Variants in CLDN6 observed in about 807,000 individuals in gnomAD.
CLDN6 encodes claudin 6, also known as claudin-6.
For missense variants in CLDN6, 279 were observed against 284.1 expected (o/e 0.98, Z 0.13); for synonymous variants, 144 against 131.2 (o/e 1.10, Z -0.67).
intron 1 of CLDN6, among the ~76,000 whole-genome samples, chr16:3,017,658 T>G (rs1250429370): frequency 6.6e-6 from 1 of 151,860 alleles, no homozygotes; most frequent in Non-Finnish European, 1.5e-5. Context: ...TCTGGCCGAG[T>G]TAGGGTCGGG....
chr16:3,017,028 G>A (rs1202883870), intron 1 of CLDN6, among the ~76,000 whole-genome samples: 1 of 151,588 alleles, frequency 6.6e-6, no homozygotes, highest in Admixed American at 6.6e-5. Context: ...CAGGTGATCT[G>A]CCCGCCTCAA....
rs2072556019 is a variant in CLDN6, at chr16:3,014,998, GCCCAGCC to G, written c.*354_*360del. On this transcript the variant is annotated 3_prime_UTR_variant, in exon 2 of 2. Coordinates refer to ENST00000328796, the MANE Select transcript of CLDN6 (RefSeq NM_021195.5). The stretch of plus-strand genomic sequence containing the variant: ...CAGCTGTCCAGTGACATCTAGGGAA[GCCCAGCC>G]CCCAGCAGCAGCAGGAACTCTTGGG... 4.8e-6 allele frequency: 2 copies of G among 413,850 alleles called. No homozygotes were observed. Among genetic ancestry groups the G allele is most frequent in the South Asian group, 2.1e-4 (2 of 9,540 alleles). 25.6% of individuals were successfully genotyped at this position (413,850 alleles called of 1,614,324 possible). A position where few individuals can be genotyped will look rare whatever the true frequency, so the allele number is the denominator to read the frequency against.
At chr16:3,016,647 ATT>A (rs5815142) in intron 1 of CLDN6, among the ~76,000 whole-genome samples, 2,722 of 130,122 alleles carry the variant, frequency 0.021, 73 homozygotes, top group African/African-American at 0.06. Context: ...CGCCCGGCTA[ATT>A]TTTTTTTTTT....
intron 1 of CLDN6, among the ~76,000 whole-genome samples, chr16:3,017,237 G>C (rs2072573297): frequency 6.6e-6 from 1 of 152,164 alleles, no homozygotes; most frequent in African/African-American, 2.4e-5. Context: ...TCTAAAAGCA[G>C]TTCCTCCCCC....
chr16:3,016,415 A>G (rs949973088), intron 1 of CLDN6, among the ~76,000 whole-genome samples: 3 of 152,184 alleles, frequency 2.0e-5, no homozygotes, highest in South Asian at 4.1e-4. Flanking sequence ...TGCGATTTCC[A>G]AGCAGTTTCC....
Position 3,014,759 on chromosome 16 carries a change from G to A in CLDN6, c.*600C>T, listed in dbSNP as rs2072553389. 1 of 206,338 alleles carries A rather than the reference G, an allele frequency of 4.8e-6. No individual in the cohort carries two copies. Among genetic ancestry groups the A allele is most frequent in the East Asian group, 1.1e-4 (1 of 9,230 alleles). The allele number at this position is 206,338 out of a possible 1,614,324, so 12.8% of individuals were successfully genotyped here. A position where few individuals can be genotyped will look rare whatever the true frequency, so the allele number is the denominator to read the frequency against. On this transcript the variant is annotated 3_prime_UTR_variant, in exon 2 of 2. Coordinates refer to ENST00000328796, the MANE Select transcript of CLDN6 (RefSeq NM_021195.5). ...TTTGATAAAAATGTGAGTGTAAAGG[G>A]GGTGAGACGAGGGGGGCAGGGCAGA...
Position 3,015,863 on chromosome 16 carries a change from G to A in CLDN6, c.159C>T (p.Ser53=), listed in dbSNP as rs2072563582. 2 of 1,614,244 alleles carry A rather than the reference G, an allele frequency of 1.2e-6. No individual in the cohort carries two copies. Among genetic ancestry groups the A allele is most frequent in the South Asian group, 2.2e-5 (2 of 91,088 alleles). ...TCTGGCCGGTGCTCTGCACCACGCA[G>A]GACATCCACAGGCCCTCCCACACCA... is the stretch of plus-strand genomic sequence containing the variant. ...AQVVWEGLWM[S]CVVQSTGQMQ... is the part of the protein sequence containing the mutation. Residue 53 remains serine (S), a synonymous_variant, in exon 2 of 2, where the codon TCC becomes TCT. Transcript: ENST00000328796.
rs769094340 is a variant in CLDN6 at position 3,015,754 on chromosome 16, C to T, written c.268G>A (p.Val90Met). The T allele has an allele frequency of 1.8e-5, 29 of 1,613,934 alleles. No individual in the cohort carries two copies. The highest frequency in any genetic ancestry group is 2.3e-5 in the Non-Finnish European group (27 of 1,180,056). ...ARALCVIALL[V>M]ALFGLLVYLA... The stretch of plus-strand genomic sequence containing the variant: ...TAGACCAGCAAGCCGAACAGGGCCA[C>T]AAGGAGGGCGATGACACAGAGGGCA... Residue 90 changes from valine to methionine, a missense_variant, in exon 2 of 2, where the codon GTG becomes ATG. Transcript: ENST00000328796.
rs771394421 is a variant in CLDN6 at position 3,015,894 on chromosome 16, G to A, written c.128C>T (p.Ala43Val). 1.2e-6 allele frequency: 2 copies of A among 1,614,250 alleles called. No individual in the cohort carries two copies. The highest frequency in any genetic ancestry group is 2.2e-5 in the South Asian group (2 of 91,088). The change falls in exon 2 of 2, where the codon GCC (alanine) becomes GTC (valine). Residue 43 changes from alanine to valine, a missense_variant. Coordinates refer to ENST00000328796, the MANE Select transcript of CLDN6 (RefSeq NM_021195.5). ...CCACAGGCCCTCCCACACCACCTGGGCCACCACGATGCTGTTGCCGATGAA... is the reference window on the plus strand; with the variant it reads ...CCACAGGCCCTCCCACACCACCTGGACCACCACGATGCTGTTGCCGATGAA... ...TAFIGNSIVV[A>V]QVVWEGLWMS...
At position 3,015,436 on chromosome 16, in the gene CLDN6, A is replaced by T; in HGVS notation, c.586T>A (p.Tyr196Asn). The change falls in exon 2 of 2, where the codon TAC becomes AAC. Residue 196 changes from tyrosine to asparagine, a missense_variant. Tyr to Asn is a moderately radical substitution (Grantham distance 143). Transcript: ENST00000328796. ...GCAGATGTTGAGTAGCGGGCCATGT[A>T]ATGGCTGGGGCCCTGGGACCCCCCC... ...PSGGSQGPSHYMARYSTSAPA... is the reference protein window; with the variant it reads ...PSGGSQGPSHNMARYSTSAPA... 6.4e-7 allele frequency: 1 copy of T among 1,558,900 alleles called. No individual in the cohort carries two copies. The highest frequency in any genetic ancestry group is 8.7e-7 in the Non-Finnish European group (1 of 1,153,902).
Position 3,016,028 on chromosome 16 carries a change from G to A in CLDN6, c.-7C>T, listed in dbSNP as rs2072565385. 6.2e-7 allele frequency: 1 copy of A among 1,611,360 alleles called. No individual in the cohort carries two copies. The highest frequency in any genetic ancestry group is 1.1e-5 in the South Asian group (1 of 90,730). Reference sequence around the variant, plus strand: ...GCATTCCGGCAGAGGCCATGGCGAGGTTGAAGGAGCTGCACTGTGTTTGGG... The same window carrying A: ...GCATTCCGGCAGAGGCCATGGCGAGATTGAAGGAGCTGCACTGTGTTTGGG... On this transcript the variant is annotated 5_prime_UTR_variant, in exon 2 of 2. Transcript: ENST00000328796.
chr16:3,016,481 T>C (rs1165132696), intron 1 of CLDN6, among the ~76,000 whole-genome samples: 1 of 152,136 alleles, frequency 6.6e-6, no homozygotes, highest in Non-Finnish European at 1.5e-5. Flanking sequence ...TGTCCATTTG[T>C]TTTGTTTGTT....
rs2072563838 is a variant in CLDN6, at chr16:3,015,890, C to T, written c.132G>A (p.Gln44=). ...AFIGNSIVVA[Q]VVWEGLWMSC... ...ACATCCACAGGCCCTCCCACACCAC[C>T]TGGGCCACCACGATGCTGTTGCCGA... Residue 44 remains glutamine (Q), a synonymous_variant, in exon 2 of 2, where the codon CAG becomes CAA. Coordinates refer to ENST00000328796, the MANE Select transcript of CLDN6 (RefSeq NM_021195.5). 1 of 1,614,254 alleles carries T rather than the reference C, an allele frequency of 6.2e-7. No individual in the cohort carries two copies. The highest frequency in any genetic ancestry group is 8.5e-7 in the Non-Finnish European group (1 of 1,180,050).
Position 3,016,010 on chromosome 16 carries a change from G to C in CLDN6, c.12C>G (p.Ala4=). 1 of 1,613,466 alleles carries C rather than the reference G, an allele frequency of 6.2e-7. No homozygotes were observed. The highest frequency in any genetic ancestry group is 8.5e-7 in the Non-Finnish European group (1 of 1,179,556). The change falls in exon 2 of 2, where the codon GCC becomes GCG. Residue 4 remains alanine (A), a synonymous_variant. Coordinates refer to ENST00000328796, the MANE Select transcript of CLDN6 (RefSeq NM_021195.5). The part of the protein sequence containing the change: MAS[A]GMQILGVVLT... Reference sequence around the variant, plus strand: ...GGACGACTCCCAGGATCTGCATTCCGGCAGAGGCCATGGCGAGGTTGAAGG... The same window carrying C: ...GGACGACTCCCAGGATCTGCATTCCCGCAGAGGCCATGGCGAGGTTGAAGG...
Position 3,015,476 on chromosome 16 carries a change from G to T in CLDN6, c.546C>A (p.Cys182Ter), listed in dbSNP as rs758091151. ...GGGACCCCCCCGAGGGGCAAGTGCA[G>T]CACAGCAACCCCCCACCCAGCAACA... ...GLLLLGGGLL[C>*]CTCPSGGSQG... The change falls in exon 2 of 2, where the codon TGC (cysteine) becomes TGA (stop). Residue 182 changes from cysteine (C) to a stop codon, truncating the protein, a stop_gained. Transcript: ENST00000328796. LOFTEE classifies it low-confidence loss of function (END_TRUNC). 1 of 1,605,312 alleles carries T rather than the reference G, an allele frequency of 6.2e-7. No individual in the cohort carries two copies. Among genetic ancestry groups the T allele is most frequent in the Non-Finnish European group, 8.5e-7 (1 of 1,175,640 alleles).
intron 1 of CLDN6, among the ~76,000 whole-genome samples, chr16:3,017,834 C>T (rs2072577267): frequency 6.6e-6 from 1 of 151,430 alleles, no homozygotes; most frequent in Non-Finnish European, 1.5e-5. Flanking sequence ...CTGCAGTGGC[C>T]GCAAGGTCCG....
At position 3,015,815 on chromosome 16, in the gene CLDN6, T is replaced by C. The variant is rs760212958; in HGVS notation, c.207A>G (p.Ser69=). Residue 69 remains serine, a synonymous_variant, in exon 2 of 2, where the codon TCA becomes TCG. Transcript: ENST00000328796. ...TGQMQCKVYD[S]LLALPQDLQA... is the part of the protein sequence containing the mutation. Reference sequence around the variant, plus strand: ...GCAGGTCCTGTGGCAGCGCCAGCAGTGAGTCGTACACCTTGCACTGCATCT... The same window carrying C: ...GCAGGTCCTGTGGCAGCGCCAGCAGCGAGTCGTACACCTTGCACTGCATCT... 4 of 1,614,126 alleles carry C rather than the reference T, an allele frequency of 2.5e-6. No homozygotes were observed. The highest frequency in any genetic ancestry group is 3.3e-5 in the Admixed American group (2 of 60,034).
intron 1 of CLDN6, among the ~76,000 whole-genome samples, chr16:3,017,029 C>T (rs2072572145): frequency 6.6e-6 from 1 of 151,996 alleles, no homozygotes; most frequent in South Asian, 2.1e-4. Flanking sequence ...AGGTGATCTG[C>T]CCGCCTCAAG....
At chr16:3,017,668 G>C (rs1336320804) in intron 1 of CLDN6, among the ~76,000 whole-genome samples, 1 of 152,020 alleles carries the variant, frequency 6.6e-6, no homozygotes, top group Non-Finnish European at 1.5e-5. Flanking sequence ...TTAGGGTCGG[G>C]GCCGCGCTGG....
Sources: allele counts gnomAD v4.1 joint callset (sites outside exome capture counted in the v4.1 genomes callset), GRCh38; gene constraint gnomAD v4.1.1; transcripts MANE v1.5; gene names NCBI Gene and HGNC (gene_info 2026-07-23, HGNC 2026-07-21).